NFATC2: variants seen among roughly 807,000 people sequenced by gnomAD.
NFATC2 encodes the protein nuclear factor of activated T cells 2, also known as nuclear factor of activated T-cells, cytoplasmic 2.
A neutral mutation model predicts 87.3 loss-of-function variants in NFATC2; 22 were observed. The ratio of observed to expected loss-of-function variants is 0.25; its 90% CI spans 0.18 to 0.36. The LOEUF is 0.36. Ranked by LOEUF, NFATC2 falls within the 10% of genes least tolerant of loss-of-function variation. The probability of loss-of-function intolerance (pLI) is 1.00; values close to 1 mark genes in which losing one functional copy is unlikely to be tolerated. For missense variants in NFATC2, 1,149 were observed against 1,259.1 expected, an observed-to-expected ratio of 0.91 and a Z score of 1.32; for synonymous variants, 565 against 542.2, an observed-to-expected ratio of 1.04 and a Z score of -0.58.
upstream of NFATC2, among the ~76,000 whole-genome samples, chr20:51,546,286 T>C (rs1421636109): frequency 1.3e-5 from 2 of 152,178 alleles, no homozygotes; most frequent in East Asian, 3.8e-4. Flanking sequence ...TGCCAACCCA[T>C]AAAAGAGTTT....
At chr20:51,525,731 G>A (rs545821624) in intron 1 of NFATC2, among the ~76,000 whole-genome samples, 4 of 152,012 alleles carry the variant, frequency 2.6e-5, no homozygotes, top group East Asian at 1.9e-4. Context: ...GGTCCAAGCC[G>A]CCGTCCTCTC....
At position 51,412,855 on chromosome 20, in the gene NFATC2, C is replaced by T. The variant is rs556198119; in HGVS notation, c.2723-14125G>A. 2.4e-4 allele frequency among the ~76,000 whole-genome samples: 36 copies of T among 152,242 alleles called. 1 individual carries two copies. The highest frequency in any genetic ancestry group is 3.4e-3 in the Middle Eastern group (1 of 294). On this transcript the variant is annotated intron_variant, in intron 9 of 10. Transcript: ENST00000371564. The stretch of plus-strand genomic sequence containing the variant: ...CATGGGTCTCCCTGCAAAAGGAGTA[C>T]TTCTGTGTCCAAAACAAGCTGGTGC...
At chr20:51,398,811 G>A (rs991416451) in intron 9 of NFATC2, 81 bp from the exon 10 acceptor site, 88 of 957,330 alleles carry the variant, frequency 9.2e-5, no homozygotes, top group East Asian at 5.3e-4. Context: ...AACTCATGCC[G>A]ATATCATCCA....
At chr20:51,562,793 G>A (rs2077043994), upstream of NFATC2, 1 of 582,916 alleles carries the variant, frequency 1.7e-6, no homozygotes, top group Non-Finnish European at 3.0e-6. This position sits in a 1 kb window ranked among gnomAD's most constrained non-coding sequence, Gnocchi z 5.8. Context: ...TCCCGGCTCG[G>A]CGGAGTCGGC....
rs559139229 is a variant in NFATC2, at chr20:51,386,964, T to C, written c.*4532A>G. ...AAGAAAGATACACCAAAGTAGATGT[T>C]GCTTCCAACTGTTTTATTGCTAAAC... On this transcript the variant is annotated 3_prime_UTR_variant, in exon 11 of 11. Transcript: ENST00000371564. 2.0e-4 allele frequency: 30 copies of C among 152,360 alleles called. No individual in the cohort carries two copies. The highest frequency in any genetic ancestry group is 9.1e-4 in the Admixed American group (14 of 15,308). The allele number at this position is 152,360 out of a possible 1,614,324, so 9.4% of individuals were successfully genotyped here. A position where few individuals can be genotyped will look rare whatever the true frequency, so the allele number is the denominator to read the frequency against.
At chr20:51,398,588 A>ATTTTTTTT (rs1987588558) in intron 10 of NFATC2, 55 bp downstream of exon 10, 5 of 1,316,788 alleles carry the variant, frequency 3.8e-6, no homozygotes, top group South Asian at 1.3e-5. Flanking sequence ...AAAAAATTCA[A>ATTTTTTTT]GTTAAGGAAA....
At chr20:51,421,998 T>C (rs1025514291) in intron 9 of NFATC2, among the ~76,000 whole-genome samples, 5 of 152,198 alleles carry the variant, frequency 3.3e-5, no homozygotes, top group African/African-American at 4.8e-5. Flanking sequence ...GCGGAACATT[T>C]CAAAGGCGTC....
Position 51,489,999 on chromosome 20 carries a change from G to C in NFATC2, c.1333-14339C>G, listed in dbSNP as rs141400945. ...CTTTTTCCTGGTTAAAAGGTGCCAG[G>C]CCTGGCAGCTTTCTAAACATTTAAA... On this transcript the variant is annotated intron_variant, in intron 3 of 10. Coordinates refer to ENST00000371564, the MANE Select transcript of NFATC2 (RefSeq NM_012340.5). 6.6e-3 allele frequency among the ~76,000 whole-genome samples: 1,010 copies of C among 152,300 alleles called. 15 individuals are homozygous for C. The highest frequency in any genetic ancestry group is 0.023 in the African/African-American group (952 of 41,572).
chr20:51,556,590 AG>A (rs1277140722), intron 1 of NFATC2, among the ~76,000 whole-genome samples: 2 of 152,202 alleles, frequency 1.3e-5, no homozygotes, highest in South Asian at 2.1e-4. Context: ...TAAATGGTCA[AG>A]GGGGCATCTA....
intron 3 of NFATC2, among the ~76,000 whole-genome samples, chr20:51,506,196 G>C (rs747203473): frequency 6.6e-6 from 1 of 152,202 alleles, no homozygotes; most frequent in South Asian, 2.1e-4. Flanking sequence ...CTCGGCCAGG[G>C]TCAGCCTGCT....
At chr20:51,548,324 TTC>T (rs746836988) in intron 1 of NFATC2, among the ~76,000 whole-genome samples, 2 of 152,232 alleles carry the variant, frequency 1.3e-5, no homozygotes, top group East Asian at 1.9e-4. Context: ...TCCCCCGGCA[TTC>T]TCTGTCTCCT....
intron 1 of NFATC2, among the ~76,000 whole-genome samples, chr20:51,525,330 G>T (rs1038215126): frequency 2.6e-5 from 4 of 152,104 alleles, no homozygotes; most frequent in African/African-American, 9.7e-5. Flanking sequence ...ACCTCGAAAG[G>T]CCCTACCGCT....
chr20:51,540,667 T>TTTTTTTTTTTTTTTTTTTTGTTTGTTTG (rs1555818370), intron 1 of NFATC2, among the ~76,000 whole-genome samples: 1 of 147,232 alleles, frequency 6.8e-6, no homozygotes, highest in East Asian at 2.0e-4. Flanking sequence ...TGTTTTTTTT[T>TTTTTTTTTTTTTTTTTTTTGTTTGTTTG]TTTTGAGAAA....
intron 9 of NFATC2, among the ~76,000 whole-genome samples, chr20:51,411,426 ACATACACACACC>A (rs985136012): frequency 9.2e-5 from 14 of 151,654 alleles, no homozygotes; most frequent in African/African-American, 3.1e-4. Context: ...ATGCACACAC[ACATACACACACC>A]CATACACACA....
chr20:51,512,915 A>G (rs1482526710), intron 3 of NFATC2, among the ~76,000 whole-genome samples: 1 of 152,196 alleles, frequency 6.6e-6, no homozygotes, highest in African/African-American at 2.4e-5. Context: ...TCTTCTGGAT[A>G]TGAAAGGGGC....
intron 5 of NFATC2, among the ~76,000 whole-genome samples, chr20:51,460,703 G>A (rs1987057554): frequency 6.6e-6 from 1 of 151,042 alleles, no homozygotes; most frequent in Non-Finnish European, 1.5e-5. Context: ...AAACACCTGA[G>A]CTCAGGCGAT....
chr20:51,406,877 A>C (rs1978391624), intron 9 of NFATC2, among the ~76,000 whole-genome samples: 1 of 152,156 alleles, frequency 6.6e-6, no homozygotes. Context: ...TGTTATGACC[A>C]CTTGCTGGCC....
At chr20:51,534,715 T>G (rs2076691290) in intron 1 of NFATC2, among the ~76,000 whole-genome samples, 1 of 152,218 alleles carries the variant, frequency 6.6e-6, no homozygotes, top group African/African-American at 2.4e-5. Context: ...TTTGCATATA[T>G]ATACACACAC....
chr20:51,458,805 T>G (rs1007028853), intron 5 of NFATC2, among the ~76,000 whole-genome samples: 25 of 151,990 alleles, frequency 1.6e-4, no homozygotes, highest in Non-Finnish European at 3.1e-4. Flanking sequence ...AGAGCGAGAC[T>G]CCTCTCAAAA....
Sources: gnomAD v4.1 joint callset for allele counts (sites outside exome capture counted in the v4.1 genomes callset) on GRCh38, gnomAD v4.1.1 for gene constraint, Gnocchi (gnomAD v3.1) non-coding constraint, MANE v1.5 for transcripts, NCBI Gene and HGNC (gene_info 2026-07-23, HGNC 2026-07-21) for gene names.